CUX2: variants seen among roughly 807,000 people sequenced by gnomAD.
The protein encoded by CUX2 is homeobox protein cut-like 2.
CUX2 carries 40 observed loss-of-function variants against 144.8 expected under a neutral mutation model. That is an observed-to-expected ratio of 0.28 (90% confidence interval 0.21 to 0.36). The LOEUF (loss-of-function observed/expected upper bound fraction) is 0.36. Among genes scored for constraint, CUX2 ranks in the 10% least tolerant of loss-of-function variants. CUX2 has a pLI of 1.00. For missense variants in CUX2, 1,615 were observed against 1,994.0 expected, an observed-to-expected ratio of 0.81 and a Z score of 3.62; for synonymous variants, 827 against 875.6, an observed-to-expected ratio of 0.94 and a Z score of 0.98.
chr12:111,259,927 C>T (rs1023975339), intron 3 of CUX2, among the ~76,000 whole-genome samples: 5 of 151,934 alleles, frequency 3.3e-5, no homozygotes, highest in African/African-American at 7.3e-5. Context: ...TTTGGGAGGC[C>T]GAGGCGGGTG....
chr12:111,065,958 C>T lies in CUX2; in HGVS notation c.63+31718C>T, dbSNP rs114724436. ...AATCAATTTGAACTCCAAACCCATG[C>T]GAGTGCAGGATTATGGTTATACATT... On this transcript the variant is annotated intron_variant, in intron 1 of 21. Coordinates refer to ENST00000261726, the MANE Select transcript of CUX2 (RefSeq NM_015267.4). 4.6e-3 allele frequency among the ~76,000 whole-genome samples: 693 copies of T among 152,292 alleles called. 6 individuals carry two copies. Among genetic ancestry groups the T allele is most frequent in the African/African-American group, 0.016 (650 of 41,562 alleles).
chr12:111,271,607 A>G (rs1014163937), intron 4 of CUX2, among the ~76,000 whole-genome samples: 3 of 152,212 alleles, frequency 2.0e-5, no homozygotes, highest in African/African-American at 7.2e-5. Context: ...TGGGAAGGAA[A>G]AGTACATTGT....
intron 1 of CUX2, among the ~76,000 whole-genome samples, chr12:111,084,983 T>C (rs2136047015): frequency 6.6e-6 from 1 of 152,328 alleles, no homozygotes; most frequent in Middle Eastern, 3.4e-3. Flanking sequence ...TTGGTATTCA[T>C]TGAGCATCTA....
Position 111,039,854 on chromosome 12 carries a change from G to A in CUX2, c.63+5614G>A, listed in dbSNP as rs181275561. Among the ~76,000 whole-genome samples, 128 of 152,224 alleles carry A rather than the reference G, an allele frequency of 8.4e-4. 2 individuals are homozygous for A. The highest frequency in any genetic ancestry group is 2.7e-3 in the African/African-American group (114 of 41,536). ...CTCCCCTTCTTTCTCCATCATGGTC[G>A]TGGTGGTGGGGCTATTGACCTTTTA... is the stretch of plus-strand genomic sequence containing the variant. On this transcript the variant is annotated intron_variant, in intron 1 of 21. Coordinates refer to ENST00000261726, the MANE Select transcript of CUX2 (RefSeq NM_015267.4). The surrounding 1 kb of genome is among the most constrained non-coding windows in gnomAD (Gnocchi z 4.2).
At chr12:111,162,737 G>A (rs1257695740) in intron 1 of CUX2, among the ~76,000 whole-genome samples, 1 of 152,180 alleles carries the variant, frequency 6.6e-6, no homozygotes, top group Non-Finnish European at 1.5e-5. Flanking sequence ...TTAGCAGAGA[G>A]ACGAAGAGCA....
intron 4 of CUX2, among the ~76,000 whole-genome samples, chr12:111,268,032 A>G (rs1350998732): frequency 1.3e-5 from 2 of 152,216 alleles, no homozygotes; most frequent in South Asian, 2.1e-4. Flanking sequence ...CCTGGCCTCA[A>G]GTGATCCTCC....
chr12:111,249,285 G>T (rs895996379), intron 3 of CUX2, among the ~76,000 whole-genome samples: 56 of 151,982 alleles, frequency 3.7e-4, no homozygotes, highest in Admixed American at 3.7e-3. Context: ...CTCTCTGAAG[G>T]CTCATTTTCC....
rs533031062 is a variant in CUX2 at position 111,072,528 on chromosome 12, C to T, written c.63+38288C>T. 3.0e-4 allele frequency among the ~76,000 whole-genome samples: 45 copies of T among 152,312 alleles called. No individual in the cohort carries two copies. The East Asian group carries it at 7.7e-3, about 26-fold the overall frequency. ...AATATCTACCTCAAGGAATGGCAAACTCCCATGAGCTTAGGGACAGGCAAG... is the reference window on the plus strand; with the variant it reads ...AATATCTACCTCAAGGAATGGCAAATTCCCATGAGCTTAGGGACAGGCAAG... On this transcript the variant is annotated intron_variant, in intron 1 of 21. Transcript: ENST00000261726.
rs1010467582 is a variant in CUX2 at position 111,152,419 on chromosome 12, C to A, written c.64-61781C>A. ...CCTCAGCTCTCAGGGCAAACTGGAG[C>A]GCCTATGGCTCATCTAAAGGGACAG... On this transcript the variant is annotated intron_variant, in intron 1 of 21. Coordinates refer to ENST00000261726, the MANE Select transcript of CUX2 (RefSeq NM_015267.4). Among the ~76,000 whole-genome samples the A allele has an allele frequency of 4.6e-5, 7 of 152,188 alleles. No homozygotes were observed. In the East Asian group the frequency reaches 1.3e-3, roughly 29 times the overall value.
chr12:111,330,720 T>TATATATATATACATATAC lies in CUX2; in HGVS notation c.2927-3710_2927-3709insCATATACATATATATATA, dbSNP rs1565926235. 2.4e-4 allele frequency among the ~76,000 whole-genome samples: 12 copies of TATATATATATACATATAC among 49,858 alleles called. 1 individual carries two copies. In the East Asian group the frequency reaches 2.8e-3, roughly 12 times the overall value. 32.7% of individuals were successfully genotyped at this position (49,858 alleles called of 152,430 possible). ...ATATATATATATATATATATATATA[T>TATATATATATACATATAC]ATATATATATATATATATATATATA... On this transcript the variant is annotated intron_variant, in intron 18 of 21. Transcript: ENST00000261726.
chr12:111,166,318 A>C (rs1266026372), intron 1 of CUX2, among the ~76,000 whole-genome samples: 3 of 152,190 alleles, frequency 2.0e-5, no homozygotes, highest in Admixed American at 1.3e-4. Context: ...CACTACGCCC[A>C]GCCTGCGACA....
intron 1 of CUX2, among the ~76,000 whole-genome samples, chr12:111,125,551 C>A (rs1345491460): frequency 1.3e-5 from 2 of 152,236 alleles, no homozygotes; most frequent in Non-Finnish European, 2.9e-5. Context: ...CAAGGTTCAT[C>A]CATGTTGGCA....
At chr12:111,072,468 T>A (rs1005316416) in intron 1 of CUX2, among the ~76,000 whole-genome samples, 5 of 152,228 alleles carry the variant, frequency 3.3e-5, no homozygotes, top group Admixed American at 3.3e-4. Context: ...TGTAACCCTT[T>A]GTCCATCTCT....
chr12:111,125,180 A>ATTT (rs113174761), intron 1 of CUX2, among the ~76,000 whole-genome samples: 1 of 141,260 alleles, frequency 7.1e-6, no homozygotes, highest in Non-Finnish European at 1.6e-5. Flanking sequence ...CTATTCTGGA[A>ATTT]TTTTTTTTTT....
At chr12:111,210,536 G>A in intron 1 of CUX2, among the ~76,000 whole-genome samples, 1 of 152,152 alleles carries the variant, frequency 6.6e-6, no homozygotes, top group Non-Finnish European at 1.5e-5. Flanking sequence ...GCTCACACCT[G>A]TAATCCCAAC....
intron 18 of CUX2, among the ~76,000 whole-genome samples, chr12:111,331,828 C>T (rs895277614): frequency 2.6e-5 from 4 of 151,996 alleles, no homozygotes; most frequent in African/African-American, 9.7e-5. Context: ...CCTGTAATCC[C>T]AGTACTTTGG....
intron 21 of CUX2, among the ~76,000 whole-genome samples, chr12:111,346,586 A>G (rs553297035): frequency 6.6e-6 from 1 of 152,214 alleles, no homozygotes; most frequent in Non-Finnish European, 1.5e-5. Flanking sequence ...CTAATAGTCT[A>G]TATTAGTGTA....
rs1883793810 is a variant in CUX2, at chr12:111,255,935, C to T, written c.223-7826C>T. 2.0e-5 allele frequency among the ~76,000 whole-genome samples: 3 copies of T among 152,126 alleles called. No individual in the cohort carries two copies. Among genetic ancestry groups the T allele is most frequent in the Non-Finnish European group, 2.9e-5 (2 of 68,014 alleles). On this transcript the variant is annotated intron_variant, in intron 3 of 21. Coordinates refer to ENST00000261726, the MANE Select transcript of CUX2 (RefSeq NM_015267.4). This position sits in a 1 kb window ranked among gnomAD's most constrained non-coding sequence, Gnocchi z 4.1. ...CTCAGGATAGTCTAGCCAGACCTCC[C>T]CACATGTGGGTCTCCCTGAGTACCT...
rs368112683 is a variant in CUX2, at chr12:111,299,608, G to A, written c.753+1019G>A. Among the ~76,000 whole-genome samples the A allele has an allele frequency of 4.6e-5, 7 of 152,320 alleles. 1 individual carries two copies. In the South Asian group the frequency reaches 1.0e-3, roughly 23 times the overall value. The stretch of plus-strand genomic sequence containing the variant: ...CTAGGTTACCGTGGTGGTGGTAACC[G>A]CAGTGGCTTCCCTGAGCTTAGGTCC... On this transcript the variant is annotated intron_variant, in intron 9 of 21. Transcript: ENST00000261726.
Sources: gnomAD v4.1 joint callset for allele counts (sites outside exome capture counted in the v4.1 genomes callset) on GRCh38, gnomAD v4.1.1 for gene constraint, Gnocchi (gnomAD v3.1) non-coding constraint, MANE v1.5 for transcripts, NCBI Gene and HGNC (gene_info 2026-07-23, HGNC 2026-07-21) for gene names.